Variants in MSANTD7 observed in about 807,000 individuals in gnomAD.
MSANTD7 encodes Myb/SANT DNA binding domain containing 7, also known as zinc finger and SCAN domain containing 29.
At chr10:14,842,790 A>G in the MSANTD7 span, 1 of 1,536,388 alleles carries the variant, frequency 6.5e-7, no homozygotes, top group Non-Finnish European at 8.7e-7. This position sits in a 1 kb window ranked among gnomAD's most constrained non-coding sequence, Gnocchi z 5.2. Context: ...AGAATCAGTG[A>G]CCGGATACGA....
the MSANTD7 span, chr10:14,843,386 C>A: frequency 1.3e-6 from 2 of 1,550,690 alleles, no homozygotes; most frequent in African/African-American, 2.7e-5. Flanking sequence ...TCTCAAGGGA[C>A]CCCCAGCTAC....
At chr10:14,846,408 T>C in the MSANTD7 span, 1 of 985,414 alleles carries the variant, frequency 1.0e-6, no homozygotes, top group Non-Finnish European at 1.2e-6. Flanking sequence ...TGAAATTCAA[T>C]GGGTAAAGTA....
At chr10:14,841,517 A>G in the MSANTD7 span, among the ~76,000 whole-genome samples, 1 of 152,192 alleles carries the variant, frequency 6.6e-6, no homozygotes, top group Non-Finnish European at 1.5e-5. Context: ...AAATTATAGT[A>G]CAGTGTCACA....
the MSANTD7 span, chr10:14,844,606 G>A: frequency 1.2e-5 from 12 of 985,260 alleles, no homozygotes; most frequent in Middle Eastern, 1.5e-3. Flanking sequence ...TCATTTTACT[G>A]GTTCTTAGTC....
the MSANTD7 span, among the ~76,000 whole-genome samples, chr10:14,838,850 A>T: frequency 6.6e-6 from 1 of 151,812 alleles, no homozygotes; most frequent in Admixed American, 6.6e-5. Flanking sequence ...GGTCACGGGG[A>T]CGTCCTGGCC....
chr10:14,840,166 T>G, the MSANTD7 span: 1 of 1,310,196 alleles, frequency 7.6e-7, no homozygotes, highest in Non-Finnish European at 1.0e-6. Context: ...AGGTATGGAA[T>G]CAAATGATAC....
the MSANTD7 span, chr10:14,846,304 A>G: frequency 1.6e-4 from 154 of 985,286 alleles, 1 homozygote; most frequent in Non-Finnish European, 1.8e-4. Flanking sequence ...CTATAAATCT[A>G]TTAATGGTAG....
the MSANTD7 span, chr10:14,838,346 G>A: frequency 6.5e-7 from 1 of 1,527,894 alleles, no homozygotes; most frequent in Non-Finnish European, 8.9e-7. Context: ...TGGGCGGCCG[G>A]TAGCTGTTGC....
At chr10:14,845,096 G>T in the MSANTD7 span, 2 of 985,436 alleles carry the variant, frequency 2.0e-6, no homozygotes, top group Non-Finnish European at 2.4e-6. Context: ...TTAAGCACTA[G>T]CCGTGAACAG....
chr10:14,842,410 C>A, the MSANTD7 span: 1 of 1,536,186 alleles, frequency 6.5e-7, no homozygotes, highest in African/African-American at 1.4e-5. This position sits in a 1 kb window ranked among gnomAD's most constrained non-coding sequence, Gnocchi z 5.2. Context: ...ATGCAGATGT[C>A]TATCAGGCTG....
At chr10:14,838,510 C>G in the MSANTD7 span, 1 of 1,525,032 alleles carries the variant, frequency 6.6e-7, no homozygotes, top group Non-Finnish European at 8.9e-7. Context: ...ACCCGGTTTT[C>G]TGGCGCTGGG....
the MSANTD7 span, chr10:14,840,061 ATT>A: frequency 3.7e-5 from 43 of 1,160,150 alleles, no homozygotes; most frequent in South Asian, 2.2e-4. Context: ...TATATATATT[ATT>A]TTTTTTTTCA....
At chr10:14,841,162 T>C in the MSANTD7 span, 2 of 152,240 alleles carry the variant, frequency 1.3e-5, no homozygotes, top group Admixed American at 1.3e-4. Context: ...ATCTTTTTCC[T>C]CAGGATACTT....
At chr10:14,846,212 A>G in the MSANTD7 span, 1 of 985,264 alleles carries the variant, frequency 1.0e-6, no homozygotes, top group Non-Finnish European at 1.2e-6. Context: ...ATGGAAAGAT[A>G]TGTGTCAATT....
the MSANTD7 span, among the ~76,000 whole-genome samples, chr10:14,838,772 G>A: frequency 1.3e-5 from 2 of 152,108 alleles, no homozygotes; most frequent in Non-Finnish European, 2.9e-5. Flanking sequence ...GGGGGTCCCG[G>A]AGACAGCGGG....
At chr10:14,838,364 G>A in the MSANTD7 span, 1 of 1,572,962 alleles carries the variant, frequency 6.4e-7, no homozygotes, top group Non-Finnish European at 8.6e-7. Flanking sequence ...TGCTGTTGGG[G>A]GACCCCCTCA....
the MSANTD7 span, chr10:14,845,625 A>G: frequency 1.2e-6 from 1 of 802,654 alleles, no homozygotes. Flanking sequence ...AAAAAGTCTC[A>G]CTGTTTTGCC....
chr10:14,845,842 G>A, the MSANTD7 span: 11 of 233,378 alleles, frequency 4.7e-5, no homozygotes, highest in Non-Finnish European at 7.0e-5. Flanking sequence ...GATTACAGGC[G>A]TGAGCCACCG....
chr10:14,843,526 A>C, the MSANTD7 span: 2 of 1,550,648 alleles, frequency 1.3e-6, no homozygotes, highest in Non-Finnish European at 1.7e-6. Flanking sequence ...GGTAGCCTCC[A>C]CACCGCAGAC....
Sources: allele counts gnomAD v4.1 joint callset (sites outside exome capture counted in the v4.1 genomes callset), GRCh38; gene constraint gnomAD v4.1.1; non-coding constraint Gnocchi (gnomAD v3.1); transcripts MANE v1.5; gene names NCBI Gene and HGNC (gene_info 2026-07-23, HGNC 2026-07-21).